ADAMTS12: variants seen among roughly 807,000 people sequenced by gnomAD.
The protein encoded by ADAMTS12 is A disintegrin and metalloproteinase with thrombospondin motifs 12.
Under a neutral mutation model 167.8 loss-of-function variants are expected in ADAMTS12, and 118 were observed. The observed-to-expected ratio is 0.70, with a 90% CI of 0.61 to 0.82. The LOEUF is 0.82. Among genes scored for constraint, ADAMTS12 ranks in the 40% least tolerant of loss-of-function variants. The pLI, the probability that ADAMTS12 is intolerant of heterozygous loss-of-function variation, is 0.00. For missense variants in ADAMTS12, 1,916 were observed against 1,998.8 expected (o/e 0.96, Z 0.79); for synonymous variants, 704 against 716.9 (o/e 0.98, Z 0.29).
At chr5:33,609,367 AC>A (rs1303422121) in intron 16 of ADAMTS12, among the ~76,000 whole-genome samples, 1 of 134,274 alleles carries the variant, frequency 7.4e-6, no homozygotes, top group Non-Finnish European at 1.6e-5. Context: ...TAAAAATTTA[AC>A]TTTTTTTTTT....
intron 20 of ADAMTS12, among the ~76,000 whole-genome samples, chr5:33,558,570 C>G (rs1745588883): frequency 6.6e-6 from 1 of 152,174 alleles, no homozygotes; most frequent in South Asian, 2.1e-4. Flanking sequence ...GCCAGGCTTT[C>G]CTTAGGAGGC....
At chr5:33,737,099 G>T (rs934622693) in intron 3 of ADAMTS12, among the ~76,000 whole-genome samples, 4 of 152,182 alleles carry the variant, frequency 2.6e-5, no homozygotes, top group Non-Finnish European at 5.9e-5. Context: ...AACATCCCAT[G>T]CAAGTACCTG....
At chr5:33,716,321 T>C in intron 3 of ADAMTS12, among the ~76,000 whole-genome samples, 1 of 152,142 alleles carries the variant, frequency 6.6e-6, no homozygotes, top group East Asian at 1.9e-4. Flanking sequence ...TCCTGAACTG[T>C]TAGAAATAAA....
At chr5:33,676,683 T>TACACACACACACACAC (rs141431526) in intron 5 of ADAMTS12, among the ~76,000 whole-genome samples, 187 of 136,442 alleles carry the variant, frequency 1.4e-3, no homozygotes, top group African/African-American at 3.7e-3. Context: ...CTGTCTATCT[T>TACACACACACACACAC]ACACACACAC....
chr5:33,845,809 G>A (rs1339860164), intron 2 of ADAMTS12, among the ~76,000 whole-genome samples: 1 of 152,168 alleles, frequency 6.6e-6, no homozygotes, highest in African/African-American at 2.4e-5. Context: ...TGCCAAAGAT[G>A]CCATCTCTCC....
At chr5:33,777,864 A>C (rs60631548) in intron 2 of ADAMTS12, among the ~76,000 whole-genome samples, 4,556 of 152,122 alleles carry the variant, frequency 0.03, 195 homozygotes, top group East Asian at 0.14. Flanking sequence ...AATTAGTAAG[A>C]TTTTTTTATA....
chr5:33,863,201 G>A (rs573902897), intron 2 of ADAMTS12, among the ~76,000 whole-genome samples: 48 of 152,212 alleles, frequency 3.2e-4, no homozygotes, highest in African/African-American at 1.1e-3. Context: ...AGGGCAATCA[G>A]GCAAGAGAAA....
chr5:33,832,060 T>C (rs536414840), intron 2 of ADAMTS12, among the ~76,000 whole-genome samples: 316 of 152,300 alleles, frequency 2.1e-3, no homozygotes, highest in African/African-American at 7.4e-3. Flanking sequence ...AGCTTTCAGG[T>C]TCACACTTCA....
At chr5:33,868,891 TC>T in intron 2 of ADAMTS12, among the ~76,000 whole-genome samples, 1 of 152,310 alleles carries the variant, frequency 6.6e-6, no homozygotes, top group Admixed American at 6.5e-5. Context: ...ATTGGACACC[TC>T]TTTTTAAAAG....
chr5:33,535,555 C>A (rs534194276), intron 22 of ADAMTS12, among the ~76,000 whole-genome samples: 5 of 152,188 alleles, frequency 3.3e-5, no homozygotes, highest in African/African-American at 1.2e-4. Context: ...TAGAGAGGAA[C>A]GGGAATGAGG....
At chr5:33,622,139 G>T (rs1739364214) in intron 14 of ADAMTS12, among the ~76,000 whole-genome samples, 1 of 152,172 alleles carries the variant, frequency 6.6e-6, no homozygotes, top group African/African-American at 2.4e-5. Flanking sequence ...GCAGGAAGGG[G>T]TAGGGGTAAC....
chr5:33,864,870 A>C (rs1406506441), intron 2 of ADAMTS12, among the ~76,000 whole-genome samples: 6 of 152,326 alleles, frequency 3.9e-5, no homozygotes, highest in Admixed American at 3.9e-4. Flanking sequence ...GGATAGCATT[A>C]GGAGAAATAC....
intron 2 of ADAMTS12, among the ~76,000 whole-genome samples, chr5:33,872,408 A>T (rs1750073089): frequency 6.6e-6 from 1 of 152,040 alleles, no homozygotes; most frequent in Non-Finnish European, 1.5e-5. Context: ...TTAGCCGGGT[A>T]TGGTGGCACA....
intron 3 of ADAMTS12, among the ~76,000 whole-genome samples, chr5:33,733,998 TACACACACAC>T (rs147754057): frequency 0.019 from 2,654 of 139,188 alleles, 61 homozygotes; most frequent in African/African-American, 0.052. Context: ...ACTTCCCCAC[TACACACACAC>T]ACACACACAC....
At chr5:33,724,710 C>A (rs542658899) in intron 3 of ADAMTS12, among the ~76,000 whole-genome samples, 48 of 152,176 alleles carry the variant, frequency 3.2e-4, no homozygotes, top group African/African-American at 9.9e-4. Context: ...CGCCACCGTG[C>A]CCGGCTAATT....
intron 2 of ADAMTS12, among the ~76,000 whole-genome samples, chr5:33,781,291 C>A (rs1259403341): frequency 6.6e-6 from 1 of 151,924 alleles, no homozygotes; most frequent in African/African-American, 2.4e-5. Flanking sequence ...ACACGCATAT[C>A]TTAATGGGTC....
At chr5:33,527,455 T>C (rs1743878438) in intron 23 of ADAMTS12, 89 bp from the exon 24 acceptor site, 1 of 1,284,110 alleles carries the variant, frequency 7.8e-7, no homozygotes, top group Non-Finnish European at 1.1e-6. Flanking sequence ...TAAGACTTTA[T>C]ATGTCTACCA....
intron 2 of ADAMTS12, among the ~76,000 whole-genome samples, chr5:33,808,497 C>T (rs1445913): frequency 0.47 from 72,054 of 152,050 alleles, 18,777 homozygotes; most frequent in East Asian, 0.78. Flanking sequence ...GAATTGCATA[C>T]GGTTAGAATA....
intron 1 of ADAMTS12, among the ~76,000 whole-genome samples, chr5:33,890,202 G>T (rs1750792714): frequency 6.6e-6 from 1 of 152,146 alleles, no homozygotes; most frequent in Non-Finnish European, 1.5e-5. Context: ...CAACCCAGGA[G>T]AATGTGTGTC....
Sources: allele counts gnomAD v4.1 joint callset (sites outside exome capture counted in the v4.1 genomes callset), GRCh38; gene constraint gnomAD v4.1.1; transcripts MANE v1.5; gene names NCBI Gene and HGNC (gene_info 2026-07-23, HGNC 2026-07-21).